Variants in PTPN13 observed in about 807,000 individuals in gnomAD.
The protein encoded by PTPN13 is tyrosine-protein phosphatase non-receptor type 13.
In PTPN13, 191 loss-of-function variants were observed where a neutral mutation model predicts 284.0. That is an observed-to-expected ratio of 0.67 (90% CI 0.60 to 0.76). The LOEUF is 0.76. Among genes scored for constraint, PTPN13 ranks in the 30% least tolerant of loss-of-function variants. The pLI, the probability that PTPN13 is intolerant of heterozygous loss-of-function variation, is 0.00. For synonymous variants in PTPN13, 986 were observed against 1,022.3 expected, an observed-to-expected ratio of 0.96 and a Z score of 0.68; for missense variants, 2,797 against 2,939.9, an observed-to-expected ratio of 0.95 and a Z score of 1.12.
chr4:86,612,955 A>G (rs549890895), intron 1 of PTPN13, among the ~76,000 whole-genome samples: 2 of 152,300 alleles, frequency 1.3e-5, no homozygotes, highest in East Asian at 3.9e-4. Flanking sequence ...GCAGATCTGC[A>G]TTACCAGAAA....
intron 10 of PTPN13, among the ~76,000 whole-genome samples, chr4:86,728,107 C>G (rs1027889610): frequency 6.7e-6 from 1 of 149,704 alleles, no homozygotes; most frequent in African/African-American, 2.4e-5. Context: ...TGTTCAGTTT[C>G]CATGCAGTTG....
chr4:86,742,436 TC>T (rs1207177114), intron 16 of PTPN13, among the ~76,000 whole-genome samples: 1 of 152,218 alleles, frequency 6.6e-6, no homozygotes, highest in Non-Finnish European at 1.5e-5. Context: ...TTGGCAGACT[TC>T]AGAGATGAAT....
chr4:86,788,554 C>T (rs1742254838), intron 40 of PTPN13, among the ~76,000 whole-genome samples: 1 of 152,158 alleles, frequency 6.6e-6, no homozygotes, highest in Non-Finnish European at 1.5e-5. Context: ...GCTATTTATA[C>T]ATTCATTGTA....
At chr4:86,776,992 C>T (rs887158973) in intron 35 of PTPN13, among the ~76,000 whole-genome samples, 4 of 152,190 alleles carry the variant, frequency 2.6e-5, no homozygotes, top group Non-Finnish European at 5.9e-5. Context: ...TGCCTGCTAC[C>T]CATGAGGCAT....
chr4:86,676,551 T>C (rs1324081698), intron 3 of PTPN13, among the ~76,000 whole-genome samples: 2 of 152,176 alleles, frequency 1.3e-5, no homozygotes, highest in Non-Finnish European at 2.9e-5. Flanking sequence ...CTCAAAGAGA[T>C]ATTTGCACAC....
At chr4:86,666,413 TTCTC>T (rs1009638789) in intron 2 of PTPN13, among the ~76,000 whole-genome samples, 1 of 151,682 alleles carries the variant, frequency 6.6e-6, no homozygotes, top group African/African-American at 2.4e-5. Flanking sequence ...CTTCTCTCTC[TTCTC>T]TCTCTCTCTT....
chr4:86,805,227 T>C (rs1461477825), intron 43 of PTPN13, 52 bp from the exon 44 acceptor site: 3 of 1,211,600 alleles, frequency 2.5e-6, no homozygotes, highest in Non-Finnish European at 2.3e-6. Flanking sequence ...TTTGAAGTTA[T>C]TACTGAATTA....
intron 10 of PTPN13, among the ~76,000 whole-genome samples, chr4:86,724,255 A>T (rs1368216166): frequency 6.6e-6 from 1 of 152,196 alleles, no homozygotes; most frequent in East Asian, 1.9e-4. Context: ...TCAATTCATT[A>T]TTACCAATAT....
intron 2 of PTPN13, among the ~76,000 whole-genome samples, chr4:86,649,386 TTTTGA>T (rs1312504116): frequency 6.6e-6 from 1 of 152,304 alleles, no homozygotes; most frequent in East Asian, 1.9e-4. Context: ...CTTTAATCTA[TTTTGA>T]TTTGATTTTT....
rs1039065162 is a variant in PTPN13, at chr4:86,688,978, A to G, written c.361-27A>G. 6.6e-6 allele frequency: 10 copies of G among 1,517,096 alleles called. No homozygotes were observed. In the Admixed American group the frequency reaches 1.2e-4, roughly 18 times the overall value. The allele number at this position is 1,517,096 out of a possible 1,614,324, so 94.0% of individuals were successfully genotyped here. A position where few individuals can be genotyped will look rare whatever the true frequency, so the allele number is the denominator to read the frequency against. Reference sequence around the variant, plus strand: ...AAAAAATATTTGCTCACATTTACTCACTGGCTTTTCCTTTATTTATATTCA... The same window carrying G: ...AAAAAATATTTGCTCACATTTACTCGCTGGCTTTTCCTTTATTTATATTCA... On this transcript the variant is annotated intron_variant, in intron 4 of 47. Transcript: ENST00000411767.
chr4:86,738,750 G>A (rs1277599074), intron 15 of PTPN13, among the ~76,000 whole-genome samples: 1 of 151,962 alleles, frequency 6.6e-6, no homozygotes, highest in East Asian at 1.9e-4. Context: ...GTGCGATCTT[G>A]GCTCACTGCA....
intron 10 of PTPN13, among the ~76,000 whole-genome samples, chr4:86,729,525 G>T (rs1489306209): frequency 1.3e-5 from 2 of 149,336 alleles, no homozygotes; most frequent in Non-Finnish European, 3.0e-5. Context: ...TTTCTTGGAG[G>T]CTTTGTTCGT....
At chr4:86,792,793 G>T (rs182804309) in intron 40 of PTPN13, among the ~76,000 whole-genome samples, 5 of 152,108 alleles carry the variant, frequency 3.3e-5, no homozygotes, top group Admixed American at 1.3e-4. Flanking sequence ...AAAATCCTTT[G>T]CAGACAAGCA....
In PTPN13 at chr4:86,785,268, C is replaced by T. The variant is rs769953467; in HGVS notation, c.6156C>T (p.Ser2052=). 6.3e-7 allele frequency: 1 copy of T among 1,587,160 alleles called. No individual in the cohort carries two copies. The highest frequency in any genetic ancestry group is 8.6e-7 in the Non-Finnish European group (1 of 1,158,752). The change falls in exon 39 of 48, where the codon TCC becomes TCT. Residue 2052 remains serine (S), a synonymous_variant. Transcript: ENST00000411767. ...YIQEDDIYDD[S]QEAEVIQSLL... is the part of the protein sequence containing the mutation. ...AAGAAGATGACATTTATGATGATTCCCAAGAAGCTGAAGTTATCCAGTCTC... is the reference window on the plus strand; with the variant it reads ...AAGAAGATGACATTTATGATGATTCTCAAGAAGCTGAAGTTATCCAGTCTC...
intron 32 of PTPN13, 55 bp from the exon 33 acceptor site, chr4:86,774,318 T>C: frequency 6.8e-7 from 1 of 1,461,528 alleles, no homozygotes; most frequent in Non-Finnish European, 9.3e-7. Flanking sequence ...CATCTTTCTG[T>C]TTGTCTATAG....
At chr4:86,681,435 T>C (rs1455454910) in intron 3 of PTPN13, among the ~76,000 whole-genome samples, 1 of 152,160 alleles carries the variant, frequency 6.6e-6, no homozygotes, top group African/African-American at 2.4e-5. Context: ...TGGCATCTAA[T>C]GGGTAGAAGC....
rs770905320 is a variant in PTPN13 at position 86,759,088 on chromosome 4, TCTTA to T, written c.3553+20_3553+23del. ...GATATCCAAAGGTAATGTGAATGTC[TCTTA>T]CTTATGTATTCTGTTTCACTTTTCT... On this transcript the variant is annotated intron_variant, in intron 23 of 47. Transcript: ENST00000411767. 8.1e-6 allele frequency: 13 copies of T among 1,609,506 alleles called. 1 individual carries two copies. The South Asian group carries it at 1.3e-4, about 16-fold the overall frequency.
Position 86,814,482 on chromosome 4 carries a change from C to A in PTPN13, c.7389C>A (p.Val2463=). ...TEDQYIFCYQ[V]ILYVLTRLQA... is the part of the protein sequence containing the mutation. ...ATCAATATATTTTCTGCTATCAAGTCATCCTTTATGTCCTGACACGTCTTC... is the reference window on the plus strand; with the variant it reads ...ATCAATATATTTTCTGCTATCAAGTAATCCTTTATGTCCTGACACGTCTTC... Residue 2463 remains valine, a synonymous_variant, in exon 48 of 48, where the codon GTC becomes GTA. Coordinates refer to ENST00000411767, the MANE Select transcript of PTPN13 (RefSeq NM_080683.3). 1 of 1,612,234 alleles carries A rather than the reference C, an allele frequency of 6.2e-7. No homozygotes were observed. Among genetic ancestry groups the A allele is most frequent in the South Asian group, 1.1e-5 (1 of 90,978 alleles).
At chr4:86,744,138 T>C (rs1260597815) in intron 16 of PTPN13, among the ~76,000 whole-genome samples, 2 of 152,218 alleles carry the variant, frequency 1.3e-5, no homozygotes, top group Admixed American at 1.3e-4. Context: ...TCTCTAAATA[T>C]CAATGTGTTT....
Sources: allele counts gnomAD v4.1 joint callset (sites outside exome capture counted in the v4.1 genomes callset), GRCh38; gene constraint gnomAD v4.1.1; transcripts MANE v1.5; gene names NCBI Gene and HGNC (gene_info 2026-07-23, HGNC 2026-07-21).